The following CSMD1 variants were observed in gnomAD, a reference collection of about 807,000 sequenced individuals.
CSMD1 encodes CUB and Sushi multiple domains 1, also known as CUB and sushi domain-containing protein 1.
CSMD1 carries 213 observed loss-of-function variants against 417.5 expected under a neutral mutation model. The observed-to-expected ratio is 0.51, with a 90% confidence interval of 0.46 to 0.57. The LOEUF (loss-of-function observed/expected upper bound fraction) is 0.57. Among genes scored for constraint, CSMD1 ranks in the 20% least tolerant of loss-of-function variants. The probability of loss-of-function intolerance (pLI) is 0.00; values close to 1 mark genes in which losing one functional copy is unlikely to be tolerated. For missense variants in CSMD1, 6,923 were observed against 4,529.7 expected, an observed-to-expected ratio of 1.53 and a Z score of -15.17; for synonymous variants, 2,862 against 1,736.8, an observed-to-expected ratio of 1.65 and a Z score of -16.11.
intron 49 of CSMD1, among the ~76,000 whole-genome samples, chr8:3,059,721 G>A (rs1292453650): frequency 6.6e-6 from 1 of 152,164 alleles, no homozygotes; most frequent in African/African-American, 2.4e-5. Flanking sequence ...TGAGAGAGAG[G>A]AGAGTGGACT....
chr8:4,694,004 C>T (rs1005975772), intron 1 of CSMD1, among the ~76,000 whole-genome samples: 9 of 152,166 alleles, frequency 5.9e-5, no homozygotes, highest in African/African-American at 2.2e-4. Context: ...ATCTCGGGAC[C>T]CCCAAATCAC....
intron 2 of CSMD1, among the ~76,000 whole-genome samples, chr8:4,428,543 A>T (rs1437863460): frequency 1.3e-5 from 2 of 152,156 alleles, no homozygotes; most frequent in Non-Finnish European, 2.9e-5. Context: ...GAAGTATGTT[A>T]ACATGTATTT....
chr8:4,769,956 C>G (rs1304065780), intron 1 of CSMD1, among the ~76,000 whole-genome samples: 1 of 152,050 alleles, frequency 6.6e-6, no homozygotes, highest in Non-Finnish European at 1.5e-5. Flanking sequence ...AAGTTATTTA[C>G]TCTCAAAAGC....
chr8:3,296,817 T>C (rs1409000764), intron 25 of CSMD1, among the ~76,000 whole-genome samples: 2 of 152,142 alleles, frequency 1.3e-5, no homozygotes, highest in Admixed American at 6.6e-5. Context: ...AGTATGTTTA[T>C]GGGATGGGGA....
At chr8:4,631,770 T>A (rs1376040430) in intron 2 of CSMD1, among the ~76,000 whole-genome samples, 1 of 152,226 alleles carries the variant, frequency 6.6e-6, no homozygotes, top group Non-Finnish European at 1.5e-5. Flanking sequence ...ACCTCTAACC[T>A]CTTCATTATC....
intron 10 of CSMD1, among the ~76,000 whole-genome samples, chr8:3,553,340 G>A (rs1228264581): frequency 6.6e-6 from 1 of 152,200 alleles, no homozygotes; most frequent in Non-Finnish European, 1.5e-5. Flanking sequence ...ATAATAATTT[G>A]AGAAGTCATT....
intron 1 of CSMD1, among the ~76,000 whole-genome samples, chr8:4,744,140 A>G (rs556337956): frequency 2.6e-5 from 4 of 152,320 alleles, no homozygotes; most frequent in East Asian, 1.9e-4. Context: ...AGGGACGCCA[A>G]TTTCTTTGGG....
chr8:4,078,424 C>A (rs923858930), intron 3 of CSMD1, among the ~76,000 whole-genome samples: 1 of 150,434 alleles, frequency 6.6e-6, no homozygotes, highest in East Asian at 2.0e-4. Flanking sequence ...ACGCCATTCT[C>A]CTGCCTCAGC....
At chr8:4,098,872 G>C (rs114695069) in intron 3 of CSMD1, among the ~76,000 whole-genome samples, 1 of 152,038 alleles carries the variant, frequency 6.6e-6, no homozygotes, top group Non-Finnish European at 1.5e-5. Context: ...ATTTATTCCC[G>C]TCCAGAAAGC....
At chr8:3,028,801 T>C (rs1810128884) in intron 51 of CSMD1, among the ~76,000 whole-genome samples, 1 of 152,208 alleles carries the variant, frequency 6.6e-6, no homozygotes. Context: ...CACATCTGAT[T>C]CAGAGTGCTC....
At chr8:3,189,301 T>C (rs1418457929) in intron 34 of CSMD1, among the ~76,000 whole-genome samples, 1 of 152,254 alleles carries the variant, frequency 6.6e-6, no homozygotes, top group Non-Finnish European at 1.5e-5. Flanking sequence ...AAGTGAATTC[T>C]GTTTAGAATA....
At chr8:3,332,847 G>C (rs577663476) in intron 23 of CSMD1, among the ~76,000 whole-genome samples, 1 of 152,290 alleles carries the variant, frequency 6.6e-6, no homozygotes, top group Non-Finnish European at 1.5e-5. Flanking sequence ...CCTTCCTTGA[G>C]TGTGGGCACA....
At chr8:3,961,728 C>T (rs1812339363) in intron 5 of CSMD1, among the ~76,000 whole-genome samples, 2 of 152,122 alleles carry the variant, frequency 1.3e-5, no homozygotes, top group Non-Finnish European at 2.9e-5. Flanking sequence ...GGAGCATTTC[C>T]TGCGTATGTA....
chr8:3,092,816 C>T (rs1453242132), intron 47 of CSMD1, among the ~76,000 whole-genome samples: 1 of 152,204 alleles, frequency 6.6e-6, no homozygotes, highest in East Asian at 1.9e-4. Context: ...TCAGCATTAT[C>T]TCATACTCGT....
At position 4,779,841 on chromosome 8, in the gene CSMD1, A is replaced by C. The variant is rs549296304; in HGVS notation, c.86-142283T>G. The stretch of plus-strand genomic sequence containing the variant: ...GGAAGCCTGCTAAGCAGCATCTTCC[A>C]CTTCCAAACAGCAGCAGCAACTGCT... On this transcript the variant is annotated intron_variant, in intron 1 of 69. Transcript: ENST00000635120. Among the ~76,000 whole-genome samples the C allele has an allele frequency of 3.3e-5, 5 of 152,128 alleles. 1 individual carries two copies. The East Asian group carries it at 5.8e-4, about 18-fold the overall frequency.
chr8:3,098,510 T>A (rs928025682), intron 46 of CSMD1, among the ~76,000 whole-genome samples: 1 of 152,214 alleles, frequency 6.6e-6, no homozygotes, highest in Non-Finnish European at 1.5e-5. Context: ...TTAAATAACA[T>A]ATATTTTAGG....
chr8:2,982,577 G>C (rs976082768), intron 54 of CSMD1, among the ~76,000 whole-genome samples: 2 of 152,266 alleles, frequency 1.3e-5, no homozygotes, highest in South Asian at 2.1e-4. Context: ...AGCTCTAAGA[G>C]GGATCACTGT....
At chr8:4,390,497 T>TTTTTTTTTTTA (rs58291340) in intron 3 of CSMD1, among the ~76,000 whole-genome samples, 2 of 140,324 alleles carry the variant, frequency 1.4e-5, no homozygotes, top group African/African-American at 5.4e-5. Context: ...AAGCGTCCAT[T>TTTTTTTTTTTA]TTTATTTATT....
At chr8:3,829,068 G>A (rs906599616) in intron 5 of CSMD1, among the ~76,000 whole-genome samples, 1 of 151,534 alleles carries the variant, frequency 6.6e-6, no homozygotes, top group Admixed American at 6.6e-5. Flanking sequence ...GGTATAGGTG[G>A]TATTTGTTTA....
Sources: allele counts gnomAD v4.1 joint callset (sites outside exome capture counted in the v4.1 genomes callset), GRCh38; gene constraint gnomAD v4.1.1; transcripts MANE v1.5; gene names NCBI Gene and HGNC (gene_info 2026-07-23, HGNC 2026-07-21).